Variants in TP53TG5 observed in about 807,000 individuals in gnomAD.
The protein encoded by TP53TG5 is TP53 target 5.
Under a neutral mutation model 30.0 loss-of-function variants are expected in TP53TG5, and 17 were observed. That is an observed-to-expected ratio of 0.57 (90% CI 0.39 to 0.85). The LOEUF is 0.85. Ranked by LOEUF, TP53TG5 falls within the 40% of genes least tolerant of loss-of-function variation. The pLI is 0.00. For missense variants in TP53TG5, 338 were observed against 367.9 expected (o/e 0.92, Z 0.67); for synonymous variants, 137 against 139.2 (o/e 0.98, Z 0.11).
rs756390646 is a variant in TP53TG5, at chr20:45,373,690, G to A, written c.*217C>T. 1.7e-6 allele frequency: 1 copy of A among 572,126 alleles called. No individual in the cohort carries two copies. The highest frequency in any genetic ancestry group is 3.1e-6 in the Non-Finnish European group (1 of 321,016). The allele number at this position is 572,126 out of a possible 1,614,324, so 35.4% of individuals were successfully genotyped here. On this transcript the variant is annotated 3_prime_UTR_variant, in exon 5 of 5. Transcript: ENST00000372726. Reference sequence around the variant, plus strand: ...CGAGCGCCCTGACTTCACAGAGCGCGCCACTCAGGAGACTAGCTCGCGGAG... The same window carrying A: ...CGAGCGCCCTGACTTCACAGAGCGCACCACTCAGGAGACTAGCTCGCGGAG...
At chr20:45,377,441 C>T in intron 2 of TP53TG5, 98 bp downstream of exon 2, 1 of 1,607,852 alleles carries the variant, frequency 6.2e-7, no homozygotes, top group Non-Finnish European at 8.5e-7. Context: ...CAAGGGCCGG[C>T]CTGCTGGCTC....
intron 1 of TP53TG5, 63 bp from the exon 2 acceptor site, chr20:45,377,676 G>A: frequency 6.5e-7 from 1 of 1,532,224 alleles, no homozygotes; most frequent in Admixed American, 1.7e-5. Flanking sequence ...GGTGCCTCAT[G>A]TCTGTAATCC....
Position 45,374,718 on chromosome 20 carries a change from G to A in TP53TG5, c.768+321C>T, listed in dbSNP as rs2145366331. On this transcript the variant is annotated intron_variant, in intron 4 of 4. Coordinates refer to ENST00000372726, the MANE Select transcript of TP53TG5 (RefSeq NM_014477.3). ...GGAAATCCTTAAACCCACTTATGTA[G>A]GCCTCTGACTGTGAGATTCAGAGCC... 4.5e-6 allele frequency: 2 copies of A among 445,334 alleles called. 1 individual carries two copies. Among genetic ancestry groups the A allele is most frequent in the South Asian group, 8.4e-5 (2 of 23,858 alleles). The allele number at this position is 445,334 out of a possible 1,614,324, so 27.6% of individuals were successfully genotyped here. A position where few individuals can be genotyped will look rare whatever the true frequency, so the allele number is the denominator to read the frequency against.
At chr20:45,374,199 C>A in intron 4 of TP53TG5, 188 bp from the exon 5 acceptor site, 1 of 672,666 alleles carries the variant, frequency 1.5e-6, no homozygotes, top group South Asian at 1.6e-5. Flanking sequence ...GTGGGACTTT[C>A]ATTCTCCCAC....
chr20:45,376,987 A>G (rs1468856497), intron 3 of TP53TG5, among the ~76,000 whole-genome samples: 2 of 152,216 alleles, frequency 1.3e-5, no homozygotes, highest in Non-Finnish European at 2.9e-5. Context: ...TCAGACAGGA[A>G]TGGCTTCACA....
At position 45,378,296 on chromosome 20, in the gene TP53TG5, GT is replaced by G. The variant is rs1162983693; in HGVS notation, c.-61del. On this transcript the variant is annotated 5_prime_UTR_variant, in exon 1 of 5. Transcript: ENST00000372726. ...AACACCAGTGCCAGGCACCAACCCT[GT>G]TCCTCTCAGTTCAGCCAGCACTCAG... 6 of 1,611,542 alleles carry G rather than the reference GT, an allele frequency of 3.7e-6. No individual in the cohort carries two copies. Among genetic ancestry groups the G allele is most frequent in the African/African-American group, 1.3e-5 (1 of 74,894 alleles).
At chr20:45,376,385 G>A (rs183112844) in intron 3 of TP53TG5, 10 of 152,280 alleles carry the variant, frequency 6.6e-5, no homozygotes, top group African/African-American at 2.2e-4. Context: ...TTGAGTCCTC[G>A]CTCTATGCCA....
chr20:45,375,039 C>T lies in TP53TG5; in HGVS notation c.768G>A (p.Lys256=), dbSNP rs371763011. Residue 256 remains lysine (K), a splice_region_variant and synonymous_variant, in exon 4 of 5, where the codon AAG becomes AAA. Coordinates refer to ENST00000372726, the MANE Select transcript of TP53TG5 (RefSeq NM_014477.3). Reference sequence around the variant, plus strand: ...CTGGCAGTGTTGTTGTCACACCCACCTTGTATGGATGCCACATAGGCATTT... The same window carrying T: ...CTGGCAGTGTTGTTGTCACACCCACTTTGTATGGATGCCACATAGGCATTT... ...SLEMPMWHPY[K]VDVTWTRARG... 1.2e-6 allele frequency: 2 copies of T among 1,612,234 alleles called. No individual in the cohort carries two copies. The highest frequency in any genetic ancestry group is 2.2e-5 in the East Asian group (1 of 44,834).
chr20:45,377,424 G>GCTCAGCCAAGGGCCGGCCTGCTGGCTCCC, intron 2 of TP53TG5, 82 bp from the exon 3 acceptor site: 1 of 1,609,480 alleles, frequency 6.2e-7, no homozygotes, highest in East Asian at 2.2e-5. Flanking sequence ...CTCTGGCTCC[G>GCTCAGCCAAGGGCCGGCCTGCTGGCTCCC]CTCAGCCAAG....
rs370420531 is a variant in TP53TG5 at position 45,374,012 on chromosome 20, C to T, written c.769-1G>A. On this transcript the variant is annotated splice_acceptor_variant, in intron 4 of 4. Transcript: ENST00000372726. LOFTEE classifies it high-confidence loss of function. ...TGGCTCTCGTCCAGGTCACATCAAC[C>T]TGCCAGCAGAAACCTCGGTGTTAGG... The T allele has an allele frequency of 1.9e-6, 3 of 1,613,894 alleles. No homozygotes were observed. Among genetic ancestry groups the T allele is most frequent in the African/African-American group, 2.7e-5 (2 of 74,936 alleles).
chr20:45,375,836 T>G, intron 3 of TP53TG5: 2 of 409,162 alleles, frequency 4.9e-6, no homozygotes, highest in East Asian at 9.6e-5. Context: ...TCTGTCTCTC[T>G]GGACTTCAGC....
At chr20:45,374,727 C>T in intron 4 of TP53TG5, 1 of 455,816 alleles carries the variant, frequency 2.2e-6, no homozygotes. Context: ...AGGCCTCTGA[C>T]TGTGAGATTC....
chr20:45,373,931 C>T lies in TP53TG5; in HGVS notation c.849G>A (p.Trp283Ter), dbSNP rs1420951225. 1.2e-6 allele frequency: 2 copies of T among 1,613,958 alleles called. No individual in the cohort carries two copies. The highest frequency in any genetic ancestry group is 1.7e-5 in the Admixed American group (1 of 59,986). ...CTTATTTGTAGACTCGTGAATTTCG[C>T]CACCCATTCCTCCCCTTCAGCTGAT... ...SRHQLKGRNG[W>*]RNSRVYK The change falls in exon 5 of 5, where the codon TGG (tryptophan) becomes TGA (stop). Residue 283 changes from tryptophan to a stop codon, truncating the protein, a stop_gained. Coordinates refer to ENST00000372726, the MANE Select transcript of TP53TG5 (RefSeq NM_014477.3). LOFTEE classifies it high-confidence loss of function.
At chr20:45,374,453 G>A in intron 4 of TP53TG5, 1 of 572,062 alleles carries the variant, frequency 1.7e-6, no homozygotes, top group South Asian at 2.4e-5. Context: ...TAAATTTTTT[G>A]TAGAGACAGT....
At chr20:45,374,209 C>T (rs951117618) in intron 4 of TP53TG5, 198 bp from the exon 5 acceptor site, 6 of 678,726 alleles carry the variant, frequency 8.8e-6, no homozygotes, top group African/African-American at 7.2e-5. Context: ...CATTCTCCCA[C>T]GAAAGGGCTG....
chr20:45,378,134 C>A, intron 1 of TP53TG5, 55 bp downstream of exon 1: 1 of 1,611,990 alleles, frequency 6.2e-7, no homozygotes, highest in Non-Finnish European at 8.5e-7. Context: ...ATGGTGGATT[C>A]TTTGTTAAGG....
chr20:45,376,844 CA>C (rs1988748906), intron 3 of TP53TG5: 1 of 169,166 alleles, frequency 5.9e-6, no homozygotes, highest in Admixed American at 5.9e-5. Context: ...GGTCAGTCTG[CA>C]GGTGACTCTC....
intron 4 of TP53TG5, 189 bp downstream of exon 4, chr20:45,374,850 T>G: frequency 1.4e-6 from 1 of 719,242 alleles, no homozygotes. Flanking sequence ...CTCAACCTAG[T>G]CACTACCCTT....
chr20:45,373,903 G>C lies in TP53TG5; in HGVS notation c.*4C>G. The C allele has an allele frequency of 6.2e-7, 1 of 1,613,288 alleles. No homozygotes were observed. Among genetic ancestry groups the C allele is most frequent in the Non-Finnish European group, 8.5e-7 (1 of 1,179,334 alleles). On this transcript the variant is annotated 3_prime_UTR_variant, in exon 5 of 5. Coordinates refer to ENST00000372726, the MANE Select transcript of TP53TG5 (RefSeq NM_014477.3). ...TATTCGTCTTAGGTGCCATATGGAA[G>C]ATCTTATTTGTAGACTCGTGAATTT...
Sources: allele counts gnomAD v4.1 joint callset (sites outside exome capture counted in the v4.1 genomes callset), GRCh38; gene constraint gnomAD v4.1.1; transcripts MANE v1.5; gene names NCBI Gene and HGNC (gene_info 2026-07-23, HGNC 2026-07-21).